MAP3K7CL: variants seen among roughly 807,000 people sequenced by gnomAD.
MAP3K7CL encodes the protein MAP3K7 C-terminal like.
In MAP3K7CL, 16 loss-of-function variants were observed where a neutral mutation model predicts 18.6. The ratio of observed to expected loss-of-function variants is 0.86; its 90% CI spans 0.58 to 1.31. MAP3K7CL has a LOEUF of 1.31. Among genes scored for constraint, MAP3K7CL ranks in the 50% most tolerant of loss-of-function variants. The pLI, the probability that MAP3K7CL is intolerant of heterozygous loss-of-function variation, is 0.00. For missense variants in MAP3K7CL, 163 were observed against 174.4 expected, an observed-to-expected ratio of 0.93 and a Z score of 0.37; for synonymous variants, 65 against 66.8, an observed-to-expected ratio of 0.97 and a Z score of 0.13.
intron 4 of MAP3K7CL, among the ~76,000 whole-genome samples, chr21:29,094,084 T>C (rs927774564): frequency 3.3e-5 from 5 of 152,248 alleles, no homozygotes; most frequent in Admixed American, 6.5e-5. Context: ...TAGTAATTAC[T>C]CTAGGGCAAT....
chr21:29,102,847 A>G (rs927435440), intron 4 of MAP3K7CL, among the ~76,000 whole-genome samples: 3 of 152,110 alleles, frequency 2.0e-5, no homozygotes, highest in African/African-American at 7.2e-5. Context: ...CACTCAAGCA[A>G]CCCTATAGAG....
At chr21:29,112,677 ATCTT>A (rs1293385317) in intron 4 of MAP3K7CL, among the ~76,000 whole-genome samples, 5 of 151,614 alleles carry the variant, frequency 3.3e-5, no homozygotes, top group African/African-American at 1.2e-4. Context: ...AATTACATAG[ATCTT>A]TCTTTATGAT....
chr21:29,129,796 C>T (rs560502931), upstream of MAP3K7CL, among the ~76,000 whole-genome samples: 42 of 152,332 alleles, frequency 2.8e-4, no homozygotes, highest in Middle Eastern at 3.4e-3. Context: ...TCCTGTTGCT[C>T]CACAGCCTCA....
chr21:29,147,065 C>T (rs2087143146), intron 2 of MAP3K7CL, among the ~76,000 whole-genome samples: 2 of 152,094 alleles, frequency 1.3e-5, no homozygotes, highest in South Asian at 4.1e-4. Flanking sequence ...TTGGTGATGA[C>T]TATGAAAACA....
At chr21:29,107,059 T>C (rs1192415803) in intron 4 of MAP3K7CL, among the ~76,000 whole-genome samples, 1 of 152,218 alleles carries the variant, frequency 6.6e-6, no homozygotes, top group Non-Finnish European at 1.5e-5. Context: ...GGCTCACGCC[T>C]GTAATCTCAG....
intron 3 of MAP3K7CL, among the ~76,000 whole-genome samples, chr21:29,154,349 C>T (rs988698053): frequency 6.6e-6 from 1 of 151,324 alleles, no homozygotes; most frequent in East Asian, 1.9e-4. Context: ...TTCTGATGCC[C>T]TCTTCTTTTC....
At chr21:29,081,621 T>C (rs1203419618), upstream of MAP3K7CL, among the ~76,000 whole-genome samples, 1 of 152,232 alleles carries the variant, frequency 6.6e-6, no homozygotes, top group East Asian at 1.9e-4. Flanking sequence ...TGGACCAAAA[T>C]ATAGTATATT....
At chr21:29,172,241 CTTTTTTTTT>C (rs35612617) in intron 4 of MAP3K7CL, among the ~76,000 whole-genome samples, 22 of 126,250 alleles carry the variant, frequency 1.7e-4, no homozygotes, top group South Asian at 4.8e-4. Flanking sequence ...TTGTCATTTT[CTTTTTTTTT>C]TTTTTTTTTT....
intron 1 of MAP3K7CL, among the ~76,000 whole-genome samples, chr21:29,086,474 G>A (rs1330842493): frequency 6.6e-6 from 1 of 152,194 alleles, no homozygotes; most frequent in African/African-American, 2.4e-5. Context: ...TGCTCTGGGG[G>A]AAATTAAGGA....
chr21:29,150,114 A>G (rs2087235149), intron 3 of MAP3K7CL, among the ~76,000 whole-genome samples: 1 of 152,198 alleles, frequency 6.6e-6, no homozygotes, highest in Non-Finnish European at 1.5e-5. Flanking sequence ...GACATACCCT[A>G]TTATCTTACA....
intron 1 of MAP3K7CL, among the ~76,000 whole-genome samples, chr21:29,090,605 T>C (rs2146497664): frequency 6.6e-6 from 1 of 152,250 alleles, no homozygotes; most frequent in African/African-American, 2.4e-5. Context: ...GGTCTTGATC[T>C]CCTGACCTCG....
intron 4 of MAP3K7CL, among the ~76,000 whole-genome samples, chr21:29,163,361 T>C (rs1346636024): frequency 2.0e-5 from 3 of 152,320 alleles, no homozygotes; most frequent in Non-Finnish European, 4.4e-5. Context: ...ATTATATATA[T>C]ATTTTCTTTT....
chr21:29,168,369 C>T (rs964201366), intron 4 of MAP3K7CL, among the ~76,000 whole-genome samples: 6 of 152,160 alleles, frequency 3.9e-5, no homozygotes, highest in Admixed American at 1.3e-4. Flanking sequence ...GAAGACGGTG[C>T]CTGGCTTGTA....
intron 2 of MAP3K7CL, among the ~76,000 whole-genome samples, chr21:29,139,895 C>CTTTTTTTTTTT (rs5843369): frequency 3.0e-5 from 2 of 67,348 alleles, no homozygotes; most frequent in Admixed American, 2.1e-4. Context: ...CCATCTCTGG[C>CTTTTTTTTTTT]TTTTTTTTTT....
intron 4 of MAP3K7CL, among the ~76,000 whole-genome samples, chr21:29,101,234 G>C (rs2086224731): frequency 6.6e-6 from 1 of 152,168 alleles, no homozygotes; most frequent in Non-Finnish European, 1.5e-5. Flanking sequence ...GGTGTGAAAA[G>C]CAGGAAGTGG....
intron 2 of MAP3K7CL, among the ~76,000 whole-genome samples, chr21:29,133,813 T>C (rs2086826941): frequency 6.6e-6 from 1 of 152,226 alleles, no homozygotes; most frequent in Non-Finnish European, 1.5e-5. Flanking sequence ...CAACATTTGC[T>C]GAAGCGTAAG....
upstream of MAP3K7CL, among the ~76,000 whole-genome samples, chr21:29,125,665 C>G (rs1341664444): frequency 1.3e-5 from 2 of 152,126 alleles, no homozygotes; most frequent in African/African-American, 4.8e-5. Flanking sequence ...GTCGTTGAGC[C>G]TTGATCCTTG....
chr21:29,097,165 A>G (rs2086137817), intron 4 of MAP3K7CL, among the ~76,000 whole-genome samples: 1 of 152,014 alleles, frequency 6.6e-6, no homozygotes, highest in South Asian at 2.1e-4. Context: ...GAAAAGAGGG[A>G]CACATAATAC....
intron 4 of MAP3K7CL, among the ~76,000 whole-genome samples, chr21:29,161,440 C>T (rs1044134654): frequency 6.6e-6 from 1 of 151,898 alleles, no homozygotes; most frequent in Non-Finnish European, 1.5e-5. Flanking sequence ...TCAATATCAG[C>T]AATAAAGGGC....
Sources: gnomAD v4.1 joint callset for allele counts (sites outside exome capture counted in the v4.1 genomes callset) on GRCh38, gnomAD v4.1.1 for gene constraint, MANE v1.5 for transcripts, NCBI Gene and HGNC (gene_info 2026-07-23, HGNC 2026-07-21) for gene names.